Variants in CEP44 observed in about 807,000 individuals in gnomAD.
The protein encoded by CEP44 is centrosomal protein 44, also known as centrosomal protein of 44 kDa.
CEP44 carries 45 observed loss-of-function variants against 46.7 expected under a neutral mutation model. The observed-to-expected ratio is 0.96, with a 90% CI of 0.76 to 1.24. The LOEUF is 1.24. CEP44 is among the 50% of genes most tolerant of loss of function. CEP44 has a pLI of 0.00. For synonymous variants in CEP44, 142 were observed against 146.0 expected (o/e 0.97, Z 0.20); for missense variants, 475 against 459.7 (o/e 1.03, Z -0.30).
Position 174,305,867 on chromosome 4 carries a change from A to G in CEP44, c.507+1498A>G, listed in dbSNP as rs186960919. 4.6e-3 allele frequency among the ~76,000 whole-genome samples: 704 copies of G among 152,320 alleles called. 3 individuals are homozygous for G. The highest frequency in any genetic ancestry group is 7.3e-3 in the Non-Finnish European group (496 of 68,022). On this transcript the variant is annotated intron_variant, in intron 6 of 11. Coordinates refer to ENST00000503780, the MANE Select transcript of CEP44 (RefSeq NM_001040157.3). Reference sequence around the variant, plus strand: ...ATTTCAGTATGAGAGTTGAGGGGACAGTGTAAATTGTCCTAGCCAAGAAAA... The same window carrying G: ...ATTTCAGTATGAGAGTTGAGGGGACGGTGTAAATTGTCCTAGCCAAGAAAA...
Position 174,286,749 on chromosome 4 carries a change from G to A in CEP44, c.-148+2806G>A, listed in dbSNP as rs1181037785. Among the ~76,000 whole-genome samples the A allele has an allele frequency of 6.6e-6, 1 of 152,156 alleles. No individual in the cohort carries two copies. Among genetic ancestry groups the A allele is most frequent in the Non-Finnish European group, 1.5e-5 (1 of 68,014 alleles). ...TTAGTCATTTAGAAATAAATTCCAT[G>A]CTATTACTTTTGGGGCAGTTTTTAA... On this transcript the variant is annotated intron_variant, in intron 1 of 11. Transcript: ENST00000503780. The surrounding 1 kb of genome is among the most constrained non-coding windows in gnomAD (Gnocchi z 5.2).
chr4:174,299,900 A>T (rs1198918508), intron 3 of CEP44, among the ~76,000 whole-genome samples: 1 of 152,180 alleles, frequency 6.6e-6, no homozygotes, highest in Non-Finnish European at 1.5e-5. Flanking sequence ...CTGTTTCTTC[A>T]TGACACTTAC....
At chr4:174,302,253 C>A in intron 4 of CEP44, 67 bp downstream of exon 4, 1 of 1,010,334 alleles carries the variant, frequency 9.9e-7, no homozygotes, top group South Asian at 1.5e-5. Flanking sequence ...ATGATTTAGT[C>A]ATAACTTCTT....
intron 11 of CEP44, chr4:174,316,793 T>C (rs1741778292): frequency 2.6e-6 from 1 of 382,642 alleles, no homozygotes; most frequent in Non-Finnish European, 4.7e-6. Context: ...TTGTTGGAAT[T>C]GTTAATGGAA....
chr4:174,309,977 T>C lies in CEP44; in HGVS notation c.806T>C (p.Val269Ala), dbSNP rs1198755154. ...DCLEQKMKGK[V>A]MVDENTWTNL... ...TTGGAACAAAAAATGAAAGGAAAAG[T>C]GATGGTAGATGAAAACACCTGGACT... Residue 269 changes from valine (V) to alanine (A), a missense_variant, in exon 8 of 12, where the codon GTG becomes GCG. By Grantham distance (64) the Val-to-Ala change is moderately conservative. Coordinates refer to ENST00000503780, the MANE Select transcript of CEP44 (RefSeq NM_001040157.3). The surrounding 1 kb of genome is among the most constrained non-coding windows in gnomAD (Gnocchi z 5.3). 3 of 1,612,796 alleles carry C rather than the reference T, an allele frequency of 1.9e-6. No individual in the cohort carries two copies. In the South Asian group the frequency reaches 3.3e-5, roughly 18 times the overall value.
In CEP44 at chr4:174,289,007, G is replaced by T. The variant is rs780401835; in HGVS notation, c.-148+5064G>T. Among the ~76,000 whole-genome samples, 7 of 152,110 alleles carry T rather than the reference G, an allele frequency of 4.6e-5. No homozygotes were observed. The South Asian group carries it at 1.4e-3, about 32-fold the overall frequency. On this transcript the variant is annotated intron_variant, in intron 1 of 11. Coordinates refer to ENST00000503780, the MANE Select transcript of CEP44 (RefSeq NM_001040157.3). ...TTTGTCAAGTGCTTTTTCTGCATCT[G>T]TGCAGATGCCCATGTGAGTTTTATC...
At position 174,317,948 on chromosome 4, in the gene CEP44, C is replaced by T; in HGVS notation, c.*565C>T. 1.0e-6 allele frequency: 1 copy of T among 985,294 alleles called. No individual in the cohort carries two copies. The highest frequency in any genetic ancestry group is 1.2e-6 in the Non-Finnish European group (1 of 829,880). 61.0% of individuals were successfully genotyped at this position (985,294 alleles called of 1,614,324 possible). ...CTGAGAAATTAAGGTTAAGATTCTC[C>T]TTTTGTACTGGGAAACAGGCTGGAG... On this transcript the variant is annotated 3_prime_UTR_variant, in exon 12 of 12. Transcript: ENST00000503780.
In CEP44 at chr4:174,309,991, A is replaced by G; in HGVS notation, c.820A>G (p.Asn274Asp). 1 of 1,612,876 alleles carries G rather than the reference A, an allele frequency of 6.2e-7. No homozygotes were observed. The highest frequency in any genetic ancestry group is 8.5e-7 in the Non-Finnish European group (1 of 1,179,230). ...KMKGKVMVDE[N>D]TWTNLLSRVT... is the part of the protein sequence containing the mutation. Reference sequence around the variant, plus strand: ...GAAAGGAAAAGTGATGGTAGATGAAAACACCTGGACTAATCTTCTTAGTCG... The same window carrying G: ...GAAAGGAAAAGTGATGGTAGATGAAGACACCTGGACTAATCTTCTTAGTCG... Residue 274 changes from asparagine to aspartate, a missense_variant, in exon 8 of 12, where the codon AAC becomes GAC. Asn to Asp is a conservative substitution (Grantham distance 23). Coordinates refer to ENST00000503780, the MANE Select transcript of CEP44 (RefSeq NM_001040157.3). This position sits in a 1 kb window ranked among gnomAD's most constrained non-coding sequence, Gnocchi z 5.3.
At position 174,297,086 on chromosome 4, in the gene CEP44, C is replaced by G. The variant is rs930766978; in HGVS notation, c.-147-880C>G. Among the ~76,000 whole-genome samples the G allele has an allele frequency of 1.3e-5, 2 of 151,928 alleles. No homozygotes were observed. The highest frequency in any genetic ancestry group is 6.6e-5 in the Admixed American group (1 of 15,264). On this transcript the variant is annotated intron_variant, in intron 1 of 11. Transcript: ENST00000503780. The surrounding 1 kb of genome is among the most constrained non-coding windows in gnomAD (Gnocchi z 4.3). ...TGGTATATTTTTCCCTATCCATTTA[C>G]TTTTAATCTTATAAACAAAATGGAT...
intron 9 of CEP44, among the ~76,000 whole-genome samples, chr4:174,315,007 A>T (rs2126657909): frequency 6.6e-6 from 1 of 152,308 alleles, no homozygotes; most frequent in South Asian, 2.1e-4. Context: ...ATGTGGTGGA[A>T]GTTTACGCTG....
At chr4:174,330,115 A>G (rs1731238979) in intron 8 of CEP44, among the ~76,000 whole-genome samples, 2 of 152,214 alleles carry the variant, frequency 1.3e-5, no homozygotes, top group South Asian at 4.1e-4. Context: ...TTGTACCCAG[A>G]AATAAACTTT....
chr4:174,317,797 A>G lies in CEP44; in HGVS notation c.*414A>G. Reference sequence around the variant, plus strand: ...TACCCAGGAGGCTCTCATATATACCATCTTGGCATCTGTACTGATGAATAA... The same window carrying G: ...TACCCAGGAGGCTCTCATATATACCGTCTTGGCATCTGTACTGATGAATAA... On this transcript the variant is annotated 3_prime_UTR_variant, in exon 12 of 12. Coordinates refer to ENST00000503780, the MANE Select transcript of CEP44 (RefSeq NM_001040157.3). 1.0e-6 allele frequency: 1 copy of G among 986,568 alleles called. No individual in the cohort carries two copies. The highest frequency in any genetic ancestry group is 1.2e-6 in the Non-Finnish European group (1 of 830,436). The allele number at this position is 986,568 out of a possible 1,614,324, so 61.1% of individuals were successfully genotyped here. A position where few individuals can be genotyped will look rare whatever the true frequency, so the allele number is the denominator to read the frequency against.
intron 1 of CEP44, among the ~76,000 whole-genome samples, chr4:174,289,048 G>A (rs1043422770): frequency 6.6e-6 from 1 of 152,208 alleles, no homozygotes; most frequent in Non-Finnish European, 1.5e-5. Context: ...TTCTATTAAT[G>A]CAGTATATTA....
chr4:174,319,279 G>A lies in CEP44; in HGVS notation c.*1896G>A. 2.1e-6 allele frequency: 2 copies of A among 970,052 alleles called. No homozygotes were observed. The highest frequency in any genetic ancestry group is 2.5e-6 in the Non-Finnish European group (2 of 815,972). The allele number at this position is 970,052 out of a possible 1,614,324, so 60.1% of individuals were successfully genotyped here. ...AGAAGTACATTTATAAAAATTAAGA[G>A]GTTAAGAGGTTATAGTTATAAGGGA... is the stretch of plus-strand genomic sequence containing the variant. On this transcript the variant is annotated 3_prime_UTR_variant, in exon 12 of 12. Coordinates refer to ENST00000503780, the MANE Select transcript of CEP44 (RefSeq NM_001040157.3).
rs2126504363 is a variant in CEP44, at chr4:174,290,422, T to A, written c.-148+6479T>A. On this transcript the variant is annotated intron_variant, in intron 1 of 11. Transcript: ENST00000503780. The surrounding 1 kb of genome is among the most constrained non-coding windows in gnomAD (Gnocchi z 4.3). ...GACAAAATGTTTAGAATGTTTTTAG[T>A]CTTCTTAAATTTGTTAAGACTTGTT... Among the ~76,000 whole-genome samples, 1 of 92,054 alleles carries A rather than the reference T, an allele frequency of 1.1e-5. No individual in the cohort carries two copies. The highest frequency in any genetic ancestry group is 1.0e-4 in the Admixed American group (1 of 9,592). 60.4% of individuals were successfully genotyped at this position (92,054 alleles called of 152,430 possible).
chr4:174,290,022 A>T lies in CEP44; in HGVS notation c.-148+6079A>T, dbSNP rs1418876196. Among the ~76,000 whole-genome samples the T allele has an allele frequency of 6.6e-6, 1 of 151,682 alleles. No individual in the cohort carries two copies. Among genetic ancestry groups the T allele is most frequent in the Non-Finnish European group, 1.5e-5 (1 of 67,904 alleles). On this transcript the variant is annotated intron_variant, in intron 1 of 11. Transcript: ENST00000503780. The surrounding 1 kb of genome is among the most constrained non-coding windows in gnomAD (Gnocchi z 4.3). Reference sequence around the variant, plus strand: ...AGCCACGCACCACCATGCTCAGCTAATTTTTGTATTTTTTGTAGAGATGGG... The same window carrying T: ...AGCCACGCACCACCATGCTCAGCTATTTTTTGTATTTTTTGTAGAGATGGG...
In CEP44 at chr4:174,302,156, T is replaced by C. The variant is rs762939862; in HGVS notation, c.207T>C (p.Asn69=). 1.8e-5 allele frequency: 29 copies of C among 1,607,400 alleles called. No individual in the cohort carries two copies. The highest frequency in any genetic ancestry group is 2.5e-5 in the Non-Finnish European group (29 of 1,176,962). ...MESNVELIAK[N]DLRFIDAVYK... ...CCAATGTAGAGCTCATAGCAAAAAA[T>C]GACTTGCGCTTTATAGATGCTGTCT... Residue 69 remains asparagine, a synonymous_variant, in exon 4 of 12, where the codon AAT becomes AAC. Transcript: ENST00000503780.
intron 1 of CEP44, among the ~76,000 whole-genome samples, chr4:174,291,782 C>CTTTTTTTTTTTTTTTTTTTTTTT (rs1208425482): frequency 2.3e-4 from 19 of 81,632 alleles, no homozygotes; most frequent in South Asian, 8.6e-4. Context: ...TTATCTTTTT[C>CTTTTTTTTTTTTTTTTTTTTTTT]TTTTCTTTTT....
At chr4:174,316,649 T>A in intron 11 of CEP44, 82 bp downstream of exon 11, 1 of 1,312,194 alleles carries the variant, frequency 7.6e-7, no homozygotes, top group Non-Finnish European at 1.0e-6. Context: ...AATGTGCATG[T>A]GTGTTTCAAA....
Sources: allele counts gnomAD v4.1 joint callset (sites outside exome capture counted in the v4.1 genomes callset), GRCh38; gene constraint gnomAD v4.1.1; non-coding constraint Gnocchi (gnomAD v3.1); transcripts MANE v1.5; gene names NCBI Gene and HGNC (gene_info 2026-07-23, HGNC 2026-07-21).